Variants in ATP8B1 observed in about 807,000 individuals in gnomAD.
The protein encoded by ATP8B1 is ATPase phospholipid transporting 8B1.
Under a neutral mutation model 149.9 loss-of-function variants are expected in ATP8B1, and 80 were observed. That is an observed-to-expected ratio of 0.53 (90% CI 0.45 to 0.64). ATP8B1 has a LOEUF of 0.64. Among genes scored for constraint, ATP8B1 ranks in the 30% least tolerant of loss-of-function variants. The pLI is 0.00. For missense variants in ATP8B1, 1,247 were observed against 1,552.6 expected (o/e 0.80, Z 3.31); for synonymous variants, 536 against 562.8 (o/e 0.95, Z 0.67).
chr18:57,779,964 T>C (rs2080343723), intron 1 of ATP8B1, among the ~76,000 whole-genome samples: 1 of 151,834 alleles, frequency 6.6e-6, no homozygotes, highest in African/African-American at 2.4e-5. Context: ...ACAGTTATAA[T>C]ATTAAACAGT....
At position 57,712,029 on chromosome 18, in the gene ATP8B1, C is replaced by T. The variant is rs139018489; in HGVS notation, c.182-5442G>A. ...TGTTTTAAAGCAATGTTTGTGATTC[C>T]TCTCCTTCCCTCTATTGGCATATAT... On this transcript the variant is annotated intron_variant, in intron 2 of 27. Coordinates refer to ENST00000648908, the MANE Select transcript of ATP8B1 (RefSeq NM_001374385.1). Among the ~76,000 whole-genome samples the T allele has an allele frequency of 2.7e-5, 4 of 146,244 alleles. No homozygotes were observed. In the East Asian group the frequency reaches 5.8e-4, roughly 21 times the overall value.
At chr18:57,697,095 T>G (rs1479858628) in intron 8 of ATP8B1, among the ~76,000 whole-genome samples, 11 of 152,036 alleles carry the variant, frequency 7.2e-5, no homozygotes, top group Admixed American at 7.2e-4. Context: ...ACCCCATCTC[T>G]ACTAAAAATG....
At chr18:57,649,190 A>ATATCTATCTATCTATCTATCTACCTATC (rs1909430493) in intron 27 of ATP8B1, among the ~76,000 whole-genome samples, 3 of 148,216 alleles carry the variant, frequency 2.0e-5, no homozygotes, top group Non-Finnish European at 4.5e-5. Flanking sequence ...GTGCTTGGCT[A>ATATCTATCTATCTATCTATCTACCTATC]TATCTATCTA....
chr18:57,656,443 T>C (rs1230433281), intron 22 of ATP8B1, among the ~76,000 whole-genome samples: 5 of 150,554 alleles, frequency 3.3e-5, no homozygotes, highest in Non-Finnish European at 7.4e-5. Context: ...TGCAGTGCAA[T>C]GGCGCAGTCT....
At chr18:57,673,499 A>G (rs1911392767) in intron 16 of ATP8B1, among the ~76,000 whole-genome samples, 1 of 151,538 alleles carries the variant, frequency 6.6e-6, no homozygotes, top group African/African-American at 2.4e-5. Context: ...TAGGCCTGCA[A>G]TTTATTCTCT....
In ATP8B1 at chr18:57,697,680, A is replaced by G. The variant is rs778526143; in HGVS notation, c.636T>C (p.Ile212=). 1 of 1,614,114 alleles carries G rather than the reference A, an allele frequency of 6.2e-7. No homozygotes were observed. The highest frequency in any genetic ancestry group is 1.7e-5 in the Admixed American group (1 of 60,012). ...TAGGCTCAGAGCTAGACAGCAGGAG[A>G]ATGTCAGCCTGTCCAAAACAAAACA... ...LKKNDFVPAD[I]LLLSSSEPNS... Residue 212 remains isoleucine, a synonymous_variant, in exon 8 of 28, where the codon ATT becomes ATC. Coordinates refer to ENST00000648908, the MANE Select transcript of ATP8B1 (RefSeq NM_001374385.1).
In ATP8B1 at chr18:57,688,264, A is replaced by G. The variant is rs1378857549; in HGVS notation, c.1429+35T>C. The G allele has an allele frequency of 3.8e-6, 6 of 1,597,300 alleles. No individual in the cohort carries two copies. The Admixed American group carries it at 5.0e-5, about 13-fold the overall frequency. On this transcript the variant is annotated intron_variant, in intron 13 of 27. Transcript: ENST00000648908. ...TGACCTGCACACGGCAGGCAGCCCC[A>G]CTCACCCAGAAAATGAGTGACGGCT...
intron 1 of ATP8B1, among the ~76,000 whole-genome samples, chr18:57,785,249 T>C (rs1356149425): frequency 2.0e-5 from 3 of 152,240 alleles, no homozygotes; most frequent in Non-Finnish European, 2.9e-5. Context: ...TGAGTGGATA[T>C]AGGTGTTAGC....
intron 20 of ATP8B1, among the ~76,000 whole-genome samples, chr18:57,662,930 T>G (rs1031196740): frequency 2.6e-5 from 4 of 152,102 alleles, no homozygotes; most frequent in African/African-American, 9.7e-5. Flanking sequence ...ATTTTTGTAT[T>G]TTTTGTAGCA....
At chr18:57,771,983 A>G (rs2080268017) in intron 1 of ATP8B1, among the ~76,000 whole-genome samples, 1 of 152,224 alleles carries the variant, frequency 6.6e-6, no homozygotes, top group Non-Finnish European at 1.5e-5. Context: ...TTATACTCCT[A>G]AAAAACATGT....
chr18:57,693,330 C>T (rs1912635542), intron 11 of ATP8B1, among the ~76,000 whole-genome samples: 1 of 152,152 alleles, frequency 6.6e-6, no homozygotes, highest in Non-Finnish European at 1.5e-5. Flanking sequence ...CCTCCGAAGG[C>T]CGGCTTGCAA....
intron 1 of ATP8B1, among the ~76,000 whole-genome samples, chr18:57,773,528 G>C (rs765430361): frequency 6.6e-6 from 1 of 152,184 alleles, no homozygotes; most frequent in African/African-American, 2.4e-5. Flanking sequence ...ATTTGGCCCT[G>C]ACATTCTATA....
At position 57,706,511 on chromosome 18, in the gene ATP8B1, A is replaced by C. The variant is rs759044685; in HGVS notation, c.258T>G (p.Cys86Trp). The C allele has an allele frequency of 6.2e-7, 1 of 1,613,966 alleles. No individual in the cohort carries two copies. The highest frequency in any genetic ancestry group is 1.1e-5 in the South Asian group (1 of 91,044). The change falls in exon 3 of 28, where the codon TGT becomes TGG. Residue 86 changes from cysteine (C) to tryptophan (W), a missense_variant. Physicochemically the swap from Cys to Trp is radical, Grantham distance 215. Transcript: ENST00000648908. The part of the protein sequence containing the change: ...QPHFMNTKFL[C>W]IKESKYANNA... ...TCACCGCATATTTACTCTCCTTAAT[A>C]CACAAGAATTTTGTGTTCATAAAGT...
chr18:57,706,403 G>A, intron 3 of ATP8B1, 87 bp downstream of exon 3: 1 of 1,032,228 alleles, frequency 9.7e-7, no homozygotes, highest in African/African-American at 1.6e-5. Context: ...TACGTGGAAG[G>A]CAGGTGTAGC....
At chr18:57,771,013 C>T (rs996685502) in intron 1 of ATP8B1, among the ~76,000 whole-genome samples, 1 of 152,212 alleles carries the variant, frequency 6.6e-6, no homozygotes, top group African/African-American at 2.4e-5. Flanking sequence ...CAGGCACGTG[C>T]CACCACACCT....
intron 12 of ATP8B1, among the ~76,000 whole-genome samples, chr18:57,689,177 G>C (rs1011257639): frequency 6.6e-6 from 1 of 152,120 alleles, no homozygotes; most frequent in Non-Finnish European, 1.5e-5. Context: ...CAGAGCAGTG[G>C]ACACAGCAAG....
intron 4 of ATP8B1, among the ~76,000 whole-genome samples, chr18:57,703,800 T>A (rs1913249723): frequency 6.6e-6 from 1 of 152,108 alleles, no homozygotes; most frequent in Admixed American, 6.6e-5. Context: ...CCTTTTAAAA[T>A]GTAAAAACAG....
intron 1 of ATP8B1, among the ~76,000 whole-genome samples, chr18:57,732,297 A>G (rs71365354): frequency 0.15 from 1,783 of 11,696 alleles, 339 homozygotes; most frequent in African/African-American, 0.32. Context: ...ATGTATATAT[A>G]TGTGTATATA....
At chr18:57,702,077 C>T (rs547824433) in intron 4 of ATP8B1, among the ~76,000 whole-genome samples, 1 of 152,212 alleles carries the variant, frequency 6.6e-6, no homozygotes, top group African/African-American at 2.4e-5. Context: ...TTCTGAGGAT[C>T]CCATGCTGAA....
Sources: allele counts gnomAD v4.1 joint callset (sites outside exome capture counted in the v4.1 genomes callset), GRCh38; gene constraint gnomAD v4.1.1; transcripts MANE v1.5; gene names NCBI Gene and HGNC (gene_info 2026-07-23, HGNC 2026-07-21).